Variants in CRTAM observed in about 807,000 individuals in gnomAD.
CRTAM encodes the protein cytotoxic and regulatory T cell molecule, also known as cytotoxic and regulatory T-cell molecule.
In CRTAM, 44 loss-of-function variants were observed where a neutral mutation model predicts 50.0. The ratio of observed to expected loss-of-function variants is 0.88; its 90% CI spans 0.69 to 1.13. CRTAM has a LOEUF of 1.13. Among genes scored for constraint, CRTAM ranks in the 50% most tolerant of loss-of-function variants. The pLI is 0.00. For missense variants in CRTAM, 448 were observed against 457.5 expected (o/e 0.98, Z 0.19); for synonymous variants, 159 against 169.3 (o/e 0.94, Z 0.47).
rs1387333652 is a variant in CRTAM at position 122,862,521 on chromosome 11, A to T, written c.710A>T (p.Asp237Val). The change falls in exon 6 of 10, where the codon GAC becomes GTC. Residue 237 changes from aspartate (D) to valine (V), a missense_variant. Physicochemically the swap from Asp to Val is radical, Grantham distance 152. Transcript: ENST00000227348. ...ALERNSLSSQ[D>V]PQQPTSTVSV... ...GAGAGAAACTCTCTATCCTCTCAAG[A>T]CCCACAGCAGCCCACCAGTACTGGT... 1 of 1,610,682 alleles carries T rather than the reference A, an allele frequency of 6.2e-7. No individual in the cohort carries two copies. The highest frequency in any genetic ancestry group is 1.1e-5 in the South Asian group (1 of 91,012).
intron 7 of CRTAM, 35 bp from the exon 8 acceptor site, chr11:122,867,374 A>G: frequency 5.7e-6 from 9 of 1,573,910 alleles, no homozygotes; most frequent in South Asian, 1.2e-5. Flanking sequence ...AAAAAAACCC[A>G]AAGTATCTAA....
At chr11:122,864,117 A>G (rs1400856470) in intron 6 of CRTAM, among the ~76,000 whole-genome samples, 1 of 152,186 alleles carries the variant, frequency 6.6e-6, no homozygotes, top group African/African-American at 2.4e-5. Context: ...TTTCAACATA[A>G]ATTTCAGGCT....
At chr11:122,865,050 T>G (rs993568424) in intron 7 of CRTAM, among the ~76,000 whole-genome samples, 2 of 152,068 alleles carry the variant, frequency 1.3e-5, no homozygotes, top group Non-Finnish European at 2.9e-5. Flanking sequence ...TATATTTTTT[T>G]TGTGAGACAG....
chr11:122,854,174 C>T, intron 4 of CRTAM, 88 bp downstream of exon 4: 1 of 1,315,556 alleles, frequency 7.6e-7, no homozygotes, highest in Admixed American at 2.2e-5. Flanking sequence ...TAGTGGCAGA[C>T]AATGCCAGAA....
chr11:122,868,654 T>C (rs1298452541), intron 9 of CRTAM, among the ~76,000 whole-genome samples: 2 of 152,118 alleles, frequency 1.3e-5, no homozygotes, highest in Non-Finnish European at 2.9e-5. Context: ...AGATTTGAGG[T>C]ATTTCTTAAT....
chr11:122,854,645 A>G lies in CRTAM; in HGVS notation c.490+559A>G, dbSNP rs1308824154. On this transcript the variant is annotated intron_variant, in intron 4 of 9. Coordinates refer to ENST00000227348, the MANE Select transcript of CRTAM (RefSeq NM_019604.4). ...ACCATTGCACTCCAGCCTGGGCAAC[A>G]GGAGCAAAATTCTATCAAAAAAAAA... 9.5e-5 allele frequency among the ~76,000 whole-genome samples: 14 copies of G among 146,848 alleles called. No homozygotes were observed. In the Admixed American group the frequency reaches 9.8e-4, roughly 10 times the overall value.
Position 122,867,429 on chromosome 11 carries a change from G to A in CRTAM, c.838G>A (p.Gly280Arg), listed in dbSNP as rs767546285. Reference sequence around the variant, plus strand: ...TATAGAAGCAAATCCTCAGTATTTAGGACTGGCAAGAAAGAAAAGTGGCAT... The same window carrying A: ...TATAGAAGCAAATCCTCAGTATTTAAGACTGGCAAGAAAGAAAAGTGGCAT... ...LTTEANPQYL[G>R]LARKKSGILL... Residue 280 changes from glycine to arginine, a missense_variant, in exon 8 of 10, where the codon GGA becomes AGA. Coordinates refer to ENST00000227348, the MANE Select transcript of CRTAM (RefSeq NM_019604.4). 1.9e-6 allele frequency: 3 copies of A among 1,613,322 alleles called. No individual in the cohort carries two copies. Among genetic ancestry groups the A allele is most frequent in the South Asian group, 1.1e-5 (1 of 91,052 alleles).
At chr11:122,866,146 G>A (rs923965502) in intron 7 of CRTAM, among the ~76,000 whole-genome samples, 2 of 152,078 alleles carry the variant, frequency 1.3e-5, no homozygotes, top group Admixed American at 1.3e-4. Flanking sequence ...TACTTCTGCA[G>A]TCTCATATCT....
Position 122,853,845 on chromosome 11 carries a change from TA to T in CRTAM, c.347-97del, listed in dbSNP as rs369937811. 456 of 1,104,880 alleles carry T rather than the reference TA, an allele frequency of 4.1e-4. 3 individuals carry two copies. The East Asian group carries it at 8.2e-3, about 20-fold the overall frequency. 68.4% of individuals were successfully genotyped at this position (1,104,880 alleles called of 1,614,324 possible). ...AAAAGAAAGCCCATTAATTAGAGTA[TA>T]CCCTATAACAATCACCTACAGATTA... On this transcript the variant is annotated intron_variant, in intron 3 of 9. Transcript: ENST00000227348.
intron 1 of CRTAM, among the ~76,000 whole-genome samples, chr11:122,838,913 A>AATTTT (rs879447522): frequency 4.0e-5 from 6 of 151,176 alleles, no homozygotes; most frequent in Middle Eastern, 3.5e-3. Flanking sequence ...ATCCGTATTG[A>AATTTT]ATTTTATTTT....
intron 1 of CRTAM, among the ~76,000 whole-genome samples, chr11:122,841,201 T>C (rs1489648789): frequency 6.6e-6 from 1 of 152,120 alleles, no homozygotes; most frequent in East Asian, 1.9e-4. Context: ...AATAAAAATC[T>C]TTTTTTGTAA....
intron 5 of CRTAM, among the ~76,000 whole-genome samples, chr11:122,861,348 G>GTA (rs5795353): frequency 0.047 from 5,868 of 123,554 alleles, 171 homozygotes; most frequent in Admixed American, 0.096. Flanking sequence ...TGACGTGTCA[G>GTA]TATATATATA....
At chr11:122,865,031 T>TA (rs1555042703) in intron 7 of CRTAM, among the ~76,000 whole-genome samples, 7 of 151,858 alleles carry the variant, frequency 4.6e-5, no homozygotes, top group South Asian at 2.1e-4. Flanking sequence ...TCCCTTTTTT[T>TA]TATATATATA....
chr11:122,866,194 C>T (rs1862171000), intron 7 of CRTAM, among the ~76,000 whole-genome samples: 1 of 152,138 alleles, frequency 6.6e-6, no homozygotes, highest in Non-Finnish European at 1.5e-5. Flanking sequence ...TCTCTGAAAA[C>T]ATCAACCCTT....
chr11:122,859,378 T>C (rs1862043734), intron 5 of CRTAM, among the ~76,000 whole-genome samples: 1 of 152,074 alleles, frequency 6.6e-6, no homozygotes, highest in Non-Finnish European at 1.5e-5. Flanking sequence ...CCCAAAGTGC[T>C]GGTATTACAG....
intron 7 of CRTAM, among the ~76,000 whole-genome samples, chr11:122,867,006 G>C (rs780319534): frequency 4.6e-5 from 7 of 152,038 alleles, no homozygotes; most frequent in Admixed American, 1.3e-4. Context: ...CATTTTATTT[G>C]GATAGTTTTT....
rs573057330 is a variant in CRTAM at position 122,860,922 on chromosome 11, C to T, written c.653-1542C>T. 4.3e-4 allele frequency among the ~76,000 whole-genome samples: 65 copies of T among 152,256 alleles called. No homozygotes were observed. In the South Asian group the frequency reaches 0.013, roughly 31 times the overall value. On this transcript the variant is annotated intron_variant, in intron 5 of 9. Coordinates refer to ENST00000227348, the MANE Select transcript of CRTAM (RefSeq NM_019604.4). ...ATGTTGCCTAGGCTGGTCTCAAACT[C>T]CTGGGCTTAAGCAATCTGCCTGCCT...
intron 5 of CRTAM, among the ~76,000 whole-genome samples, chr11:122,857,393 C>T (rs1028835831): frequency 1.3e-5 from 2 of 152,176 alleles, no homozygotes; most frequent in African/African-American, 2.4e-5. Context: ...CGCTTGAACC[C>T]GAGAGGCGGA....
At chr11:122,862,221 C>A in intron 5 of CRTAM, 2 of 522,948 alleles carry the variant, frequency 3.8e-6, no homozygotes, top group Non-Finnish European at 6.8e-6. Context: ...CTTTGCCTAC[C>A]ACTGCCACCA....
Sources: allele counts gnomAD v4.1 joint callset (sites outside exome capture counted in the v4.1 genomes callset), GRCh38; gene constraint gnomAD v4.1.1; transcripts MANE v1.5; gene names NCBI Gene and HGNC (gene_info 2026-07-23, HGNC 2026-07-21).